RUNDC3B: variants seen among roughly 807,000 people sequenced by gnomAD.
The protein encoded by RUNDC3B is RUN domain containing 3B, also known as RUN domain-containing protein 3B.
A neutral mutation model predicts 58.4 loss-of-function variants in RUNDC3B; 33 were observed. That is an observed-to-expected ratio of 0.56 (90% CI 0.43 to 0.75). The LOEUF is 0.75. Ranked by LOEUF, RUNDC3B falls within the 30% of genes least tolerant of loss-of-function variation. The probability of loss-of-function intolerance (pLI) is 0.00; values close to 1 mark genes in which losing one functional copy is unlikely to be tolerated. For missense variants in RUNDC3B, 501 were observed against 535.7 expected (o/e 0.94, Z 0.64); for synonymous variants, 193 against 195.2 (o/e 0.99, Z 0.10).
chr7:87,646,003 C>T (rs1173137736), intron 1 of RUNDC3B, among the ~76,000 whole-genome samples: 1 of 152,174 alleles, frequency 6.6e-6, no homozygotes, highest in African/African-American at 2.4e-5. Flanking sequence ...CTTTCTCACC[C>T]TTAAATGTCT....
chr7:87,683,680 C>T (rs1239045385), intron 2 of RUNDC3B, among the ~76,000 whole-genome samples: 2 of 152,152 alleles, frequency 1.3e-5, no homozygotes, highest in South Asian at 2.1e-4. Context: ...TCAAAGATCA[C>T]TCATCACAGT....
Position 87,829,893 on chromosome 7 carries a change from G to T in RUNDC3B, c.1234G>T (p.Asp412Tyr). 6.3e-7 allele frequency: 1 copy of T among 1,599,804 alleles called. No homozygotes were observed. The highest frequency in any genetic ancestry group is 8.5e-7 in the Non-Finnish European group (1 of 1,172,550). Reference protein sequence around the residue: ...TLNVMSEGKEDTPSLLGLCGS... With the variant: ...TLNVMSEGKEYTPSLLGLCGS... ...TTAATTCTAATTTTCAGGTAAGGAA[G>T]ATACTCCCTCATTACTTGGCCTCTG... Residue 412 changes from aspartate to tyrosine, a missense_variant, in exon 11 of 11, where the codon GAT becomes TAT. By Grantham distance (160) the Asp-to-Tyr change is radical. Coordinates refer to ENST00000394654, the MANE Select transcript of RUNDC3B (RefSeq NM_001134405.2).
intron 6 of RUNDC3B, among the ~76,000 whole-genome samples, chr7:87,743,339 G>A (rs1396984467): frequency 2.0e-5 from 3 of 152,134 alleles, no homozygotes; most frequent in Non-Finnish European, 4.4e-5. Flanking sequence ...CCCAGTGGTG[G>A]GATTGATGGA....
rs548469008 is a variant in RUNDC3B at position 87,775,393 on chromosome 7, T to C, written c.799-2405T>C. 2.6e-5 allele frequency among the ~76,000 whole-genome samples: 4 copies of C among 152,382 alleles called. No homozygotes were observed. In the South Asian group the frequency reaches 8.3e-4, roughly 32 times the overall value. ...AATGTTTTTGTATAGCTGTACAATG[T>C]ATGTTTTAAACTGTTATTACAAAAG... On this transcript the variant is annotated intron_variant, in intron 7 of 10. Transcript: ENST00000394654.
intron 2 of RUNDC3B, among the ~76,000 whole-genome samples, chr7:87,681,595 A>G (rs1365674475): frequency 6.6e-6 from 1 of 150,720 alleles, no homozygotes; most frequent in Non-Finnish European, 1.5e-5. Flanking sequence ...AAATGCTAAC[A>G]ATCATCTGAG....
intron 6 of RUNDC3B, among the ~76,000 whole-genome samples, chr7:87,756,420 T>C (rs948230357): frequency 6.6e-6 from 1 of 152,042 alleles, no homozygotes; most frequent in Non-Finnish European, 1.5e-5. Context: ...TCTATAAAGA[T>C]GATGTCAGGT....
At chr7:87,669,173 A>G (rs1430180332) in intron 2 of RUNDC3B, among the ~76,000 whole-genome samples, 1 of 152,140 alleles carries the variant, frequency 6.6e-6, no homozygotes, top group Non-Finnish European at 1.5e-5. Context: ...TGTTGGGTAC[A>G]TATATATTTA....
rs766011257 is a variant in RUNDC3B at position 87,700,500 on chromosome 7, G to A, written c.318G>A (p.Gln106=). Residue 106 remains glutamine (Q), a synonymous_variant, in exon 3 of 11, where the codon CAG becomes CAA. Transcript: ENST00000394654. Reference sequence around the variant, plus strand: ...GAGTGGCTTGCCGGAAAGTTTCACAGAATTGTATCTGCAGCATTGAAAATA... The same window carrying A: ...GAGTGGCTTGCCGGAAAGTTTCACAAAATTGTATCTGCAGCATTGAAAATA... ...YIRVACRKVS[Q]NCICSIENME... is the part of the protein sequence containing the mutation. 4 of 1,613,494 alleles carry A rather than the reference G, an allele frequency of 2.5e-6. No individual in the cohort carries two copies. In the East Asian group the frequency reaches 6.7e-5, roughly 27 times the overall value.
At chr7:87,803,924 A>T (rs1387977512) in intron 8 of RUNDC3B, among the ~76,000 whole-genome samples, 3 of 152,136 alleles carry the variant, frequency 2.0e-5, no homozygotes, top group Admixed American at 6.6e-5. Context: ...CATGTGAATT[A>T]TATGTTGAGG....
Position 87,628,847 on chromosome 7 carries a change from C to G in RUNDC3B, c.24C>G (p.Gly8=). ...CCATGGCCTCCCGGAGCCTGGGGGG[C>G]CTGAGCGGGATCCGCGGCGGTGGCG... The part of the protein sequence containing the change: MASRSLG[G]LSGIRGGGGG... The change falls in exon 1 of 11, where the codon GGC becomes GGG. Residue 8 remains glycine, a synonymous_variant. Coordinates refer to ENST00000394654, the MANE Select transcript of RUNDC3B (RefSeq NM_001134405.2). 7.9e-7 allele frequency: 1 copy of G among 1,268,016 alleles called. No individual in the cohort carries two copies. Among genetic ancestry groups the G allele is most frequent in the Non-Finnish European group, 1.0e-6 (1 of 999,314 alleles). The allele number at this position is 1,268,016 out of a possible 1,614,324, so 78.5% of individuals were successfully genotyped here.
chr7:87,672,720 C>G (rs1825954725), intron 2 of RUNDC3B, among the ~76,000 whole-genome samples: 1 of 152,176 alleles, frequency 6.6e-6, no homozygotes, highest in African/African-American at 2.4e-5. Flanking sequence ...AGGAGATCTC[C>G]TGACCCAAGG....
chr7:87,747,701 G>A (rs1832726925), intron 6 of RUNDC3B, among the ~76,000 whole-genome samples: 1 of 152,136 alleles, frequency 6.6e-6, no homozygotes, highest in Non-Finnish European at 1.5e-5. Context: ...GGTCACTGGA[G>A]TTGTGTACCT....
chr7:87,661,198 A>G (rs1349287025), intron 2 of RUNDC3B, among the ~76,000 whole-genome samples: 2 of 151,988 alleles, frequency 1.3e-5, no homozygotes, highest in African/African-American at 4.8e-5. Flanking sequence ...CACAATGTGT[A>G]ATAATCACAT....
intron 6 of RUNDC3B, 53 bp from the exon 7 acceptor site, chr7:87,770,528 G>A: frequency 7.1e-6 from 10 of 1,413,394 alleles, no homozygotes; most frequent in Non-Finnish European, 8.8e-6. Flanking sequence ...AAGTGTTTAA[G>A]AATCAAGTTG....
chr7:87,757,699 A>G (rs1291953225), intron 6 of RUNDC3B, among the ~76,000 whole-genome samples: 1 of 152,224 alleles, frequency 6.6e-6, no homozygotes, highest in Non-Finnish European at 1.5e-5. Context: ...GACCCAGAAT[A>G]GCCAAAGCTA....
intron 10 of RUNDC3B, among the ~76,000 whole-genome samples, chr7:87,817,660 T>C (rs1004518024): frequency 6.6e-6 from 1 of 152,192 alleles, no homozygotes; most frequent in Non-Finnish European, 1.5e-5. Context: ...AAGCTTTCAC[T>C]GACTGCCATA....
At chr7:87,629,662 T>A (rs1820999485) in intron 1 of RUNDC3B, among the ~76,000 whole-genome samples, 3 of 152,046 alleles carry the variant, frequency 2.0e-5, no homozygotes, top group Non-Finnish European at 4.4e-5. Flanking sequence ...GCGCGGTGGC[T>A]TACACCTGTA....
rs542600767 is a variant in RUNDC3B at position 87,799,761 on chromosome 7, C to G, written c.957-7612C>G. 8.6e-5 allele frequency among the ~76,000 whole-genome samples: 13 copies of G among 151,990 alleles called. No individual in the cohort carries two copies. The East Asian group carries it at 1.9e-3, about 23-fold the overall frequency. On this transcript the variant is annotated intron_variant, in intron 8 of 10. Coordinates refer to ENST00000394654, the MANE Select transcript of RUNDC3B (RefSeq NM_001134405.2). ...AATTAGCTGGGCATGGTGGCGTGTGCCTGTAGTCCCAGCTACTCAGGAGGC... is the reference window on the plus strand; with the variant it reads ...AATTAGCTGGGCATGGTGGCGTGTGGCTGTAGTCCCAGCTACTCAGGAGGC...
rs79370812 is a variant in RUNDC3B, at chr7:87,768,472, G to A, written c.630-2109G>A. On this transcript the variant is annotated intron_variant, in intron 6 of 10. Coordinates refer to ENST00000394654, the MANE Select transcript of RUNDC3B (RefSeq NM_001134405.2). ...CTGAGATTCCCTGAATCTGCACAAC[G>A]AGTATCGCACCCACTGCTTCAGCTC... Among the ~76,000 whole-genome samples, 1,089 of 152,312 alleles carry A rather than the reference G, an allele frequency of 7.1e-3. 11 individuals are homozygous for A. The highest frequency in any genetic ancestry group is 0.049 in the East Asian group (252 of 5,184).
Sources: gnomAD v4.1 joint callset for allele counts (sites outside exome capture counted in the v4.1 genomes callset) on GRCh38, gnomAD v4.1.1 for gene constraint, MANE v1.5 for transcripts, NCBI Gene and HGNC (gene_info 2026-07-23, HGNC 2026-07-21) for gene names.